Variants in VPS39 observed in about 807,000 individuals in gnomAD.
VPS39 encodes the protein vam6/Vps39-like protein.
A neutral mutation model predicts 121.0 loss-of-function variants in VPS39; 70 were observed. The observed-to-expected ratio is 0.58, with a 90% CI of 0.48 to 0.71. VPS39 has a LOEUF of 0.71. VPS39 is among the 30% of genes least tolerant of loss of function. The probability of loss-of-function intolerance (pLI) is 0.00; values close to 1 mark genes in which losing one functional copy is unlikely to be tolerated. For missense variants in VPS39, 818 were observed against 1,051.5 expected, an observed-to-expected ratio of 0.78 and a Z score of 3.07; for synonymous variants, 378 against 398.1, an observed-to-expected ratio of 0.95 and a Z score of 0.60.
chr15:42,199,197 C>T (rs1240515150), intron 2 of VPS39, among the ~76,000 whole-genome samples: 2 of 152,074 alleles, frequency 1.3e-5, no homozygotes, highest in Non-Finnish European at 1.5e-5. Flanking sequence ...AGCACAGAAA[C>T]GAAAACAAGG....
intron 8 of VPS39, 79 bp from the exon 9 acceptor site, chr15:42,178,649 G>T (rs2049509206): frequency 3.8e-6 from 6 of 1,571,882 alleles, no homozygotes; most frequent in Non-Finnish European, 5.2e-6. Flanking sequence ...CCCATTCTAA[G>T]ATACATTTAA....
In VPS39 at chr15:42,161,258, G is replaced by A. The variant is rs2049120504; in HGVS notation, c.2552+424C>T. On this transcript the variant is annotated intron_variant, in intron 24 of 24. Coordinates refer to ENST00000318006, the MANE Select transcript of VPS39 (RefSeq NM_015289.5). ...ACAAATCACTCTCCTTTGAAGAAAA[G>A]GGGACTAACTAGAGTATATGTCTTA... is the stretch of plus-strand genomic sequence containing the variant. 3 of 311,002 alleles carry A rather than the reference G, an allele frequency of 9.6e-6. No individual in the cohort carries two copies. The South Asian group carries it at 1.1e-4, about 12-fold the overall frequency. The allele number at this position is 311,002 out of a possible 1,614,324, so 19.3% of individuals were successfully genotyped here.
intron 8 of VPS39, among the ~76,000 whole-genome samples, chr15:42,181,788 C>A (rs183760738): frequency 1.3e-5 from 2 of 151,942 alleles, no homozygotes; most frequent in African/African-American, 2.4e-5. Flanking sequence ...CGGCTTACTG[C>A]CGCCTCCATC....
At chr15:42,168,934 G>C (rs2049297172) in intron 12 of VPS39, among the ~76,000 whole-genome samples, 1 of 152,122 alleles carries the variant, frequency 6.6e-6, no homozygotes, top group Non-Finnish European at 1.5e-5. Context: ...ATATCAATAA[G>C]GTCTCTGATT....
At chr15:42,185,323 C>T (rs1286537909) in intron 7 of VPS39, among the ~76,000 whole-genome samples, 2 of 151,822 alleles carry the variant, frequency 1.3e-5, no homozygotes, top group Non-Finnish European at 2.9e-5. Context: ...GAACTACAGG[C>T]GTGTGCCACC....
intron 1 of VPS39, among the ~76,000 whole-genome samples, chr15:42,205,765 G>C (rs2050156823): frequency 6.6e-6 from 1 of 152,186 alleles, no homozygotes. Context: ...GGTGATCAAT[G>C]AGAAGACTAC....
chr15:42,188,727 T>G (rs1340677279), intron 5 of VPS39, among the ~76,000 whole-genome samples: 4 of 152,166 alleles, frequency 2.6e-5, no homozygotes, highest in Non-Finnish European at 4.4e-5. Flanking sequence ...CCCAGCACTT[T>G]GGGAGGCCAA....
At position 42,166,244 on chromosome 15, in the gene VPS39, AG is replaced by A; in HGVS notation, c.1607-13del. The stretch of plus-strand genomic sequence containing the variant: ...CAGGTTTTCTGTGCCTAGAAGGAAA[AG>A]CAGGACTTGTCAGCAGTTGAGGCCC... On this transcript the variant is annotated splice_polypyrimidine_tract_variant and intron_variant, in intron 15 of 24. Coordinates refer to ENST00000318006, the MANE Select transcript of VPS39 (RefSeq NM_015289.5). 1 of 1,614,010 alleles carries A rather than the reference AG, an allele frequency of 6.2e-7. No homozygotes were observed. Among genetic ancestry groups the A allele is most frequent in the African/African-American group, 1.3e-5 (1 of 75,062 alleles).
In VPS39 at chr15:42,189,232, C is replaced by T. The variant is rs772683949; in HGVS notation, c.248-24G>A. 8.9e-6 allele frequency: 14 copies of T among 1,568,522 alleles called. No homozygotes were observed. The South Asian group carries it at 1.4e-4, about 16-fold the overall frequency. ...TTCTGTTTGGGAGGAGGTATAACATCAGGATCAATGATCATAATTCTCTAG... is the reference window on the plus strand; with the variant it reads ...TTCTGTTTGGGAGGAGGTATAACATTAGGATCAATGATCATAATTCTCTAG... On this transcript the variant is annotated intron_variant, in intron 4 of 24. Transcript: ENST00000318006.
intron 1 of VPS39, among the ~76,000 whole-genome samples, chr15:42,207,178 T>G (rs1310798283): frequency 6.6e-6 from 1 of 152,198 alleles, no homozygotes; most frequent in Non-Finnish European, 1.5e-5. Context: ...CCACCAAGAT[T>G]CCATAAGGCC....
At position 42,208,302 on chromosome 15, in the gene VPS39, C is replaced by A; in HGVS notation, c.-149G>T. On this transcript the variant is annotated 5_prime_UTR_variant, in exon 1 of 25. Transcript: ENST00000318006. ...CTTCAACAACACAGCCATCGTCAAC[C>A]CCGGACTTCCTGCTAGTTAGGCCCG... The A allele has an allele frequency of 2.0e-6, 2 of 999,762 alleles. No individual in the cohort carries two copies. 61.9% of individuals were successfully genotyped at this position (999,762 alleles called of 1,614,324 possible). A position where few individuals can be genotyped will look rare whatever the true frequency, so the allele number is the denominator to read the frequency against.
rs369346169 is a variant in VPS39 at position 42,199,993 on chromosome 15, C to CAA, written c.74-34_74-33dup. On this transcript the variant is annotated intron_variant, in intron 1 of 24. Coordinates refer to ENST00000318006, the MANE Select transcript of VPS39 (RefSeq NM_015289.5). ...AAACAAAACAAAACAAAAACAAAAA[C>CAA]AAAAAAAAACCAGCTTTGAGAAAGG... 2,048 of 1,506,228 alleles carry CAA rather than the reference C, an allele frequency of 1.4e-3. 19 individuals carry two copies. The African/African-American group carries it at 0.028, about 21-fold the overall frequency. 93.3% of individuals were successfully genotyped at this position (1,506,228 alleles called of 1,614,324 possible).
At chr15:42,168,634 C>T (rs1308318047) in intron 12 of VPS39, among the ~76,000 whole-genome samples, 1 of 151,784 alleles carries the variant, frequency 6.6e-6, no homozygotes, top group Admixed American at 6.6e-5. Flanking sequence ...ACCTCTGCCT[C>T]CTGAGTTCAA....
At chr15:42,184,726 C>T (rs1595667276) in intron 7 of VPS39, 26 bp from the exon 8 acceptor site, 1 of 1,584,802 alleles carries the variant, frequency 6.3e-7, no homozygotes. Context: ...GAGTGAGTCA[C>T]CTAGCATTCC....
rs1480588474 is a variant in VPS39 at position 42,178,458 on chromosome 15, G to A, written c.831C>T (p.Thr277=). The A allele has an allele frequency of 6.2e-7, 1 of 1,614,176 alleles. No individual in the cohort carries two copies. The part of the protein sequence containing the change: ...SIELQRPRFI[T]SGGSNIIYVA... ...AAAAAGAAATTCCTTACCCTCCTGAGGTAATGAAACGGGGCCTTTGCAATT... is the reference window on the plus strand; with the variant it reads ...AAAAAGAAATTCCTTACCCTCCTGAAGTAATGAAACGGGGCCTTTGCAATT... The change falls in exon 9 of 25, where the codon ACC becomes ACT. Residue 277 remains threonine (T), a synonymous_variant. Coordinates refer to ENST00000318006, the MANE Select transcript of VPS39 (RefSeq NM_015289.5).
At chr15:42,188,183 T>C (rs574425839) in intron 5 of VPS39, among the ~76,000 whole-genome samples, 1 of 152,362 alleles carries the variant, frequency 6.6e-6, no homozygotes, top group Admixed American at 6.5e-5. Context: ...AAATGTTTCT[T>C]GCTCCTGGCT....
intron 8 of VPS39, among the ~76,000 whole-genome samples, chr15:42,183,241 GCA>G (rs1033769040): frequency 2.6e-5 from 4 of 150,966 alleles, no homozygotes; most frequent in African/African-American, 9.7e-5. Context: ...GGGACCACAG[GCA>G]CACACTGCCA....
rs760303286 is a variant in VPS39, at chr15:42,164,419, C to T, written c.1965G>A (p.Met655Ile). The change falls in exon 19 of 25, where the codon ATG becomes ATA. Residue 655 changes from methionine (M) to isoleucine (I), a missense_variant. Met to Ile is a conservative substitution (Grantham distance 10). Coordinates refer to ENST00000318006, the MANE Select transcript of VPS39 (RefSeq NM_015289.5). Reference protein sequence around the residue: ...ELGEYRQKLLMFLEISSYYDP... With the variant: ...ELGEYRQKLLIFLEISSYYDP... ...CATAGTAGCTGGAAATCTCCAAGAA[C>T]ATGAGGAGCTTTTGCCGGTATTCTC... 10 of 1,614,156 alleles carry T rather than the reference C, an allele frequency of 6.2e-6. No individual in the cohort carries two copies. The South Asian group carries it at 8.8e-5, about 14-fold the overall frequency.
At chr15:42,179,610 TA>T (rs1486294295) in intron 8 of VPS39, among the ~76,000 whole-genome samples, 1 of 119,262 alleles carries the variant, frequency 8.4e-6, no homozygotes, top group African/African-American at 3.5e-5. Flanking sequence ...AATAAATAAA[TA>T]AATAAATAAA....
Sources: gnomAD v4.1 joint callset for allele counts (sites outside exome capture counted in the v4.1 genomes callset) on GRCh38, gnomAD v4.1.1 for gene constraint, MANE v1.5 for transcripts, NCBI Gene and HGNC (gene_info 2026-07-23, HGNC 2026-07-21) for gene names.